The following ZNF705B variants were observed in gnomAD, a reference collection of about 807,000 sequenced individuals.
ZNF705B encodes zinc finger protein 705B, also known as Putative zinc finger protein 705D-like protein LOC100132396.
ZNF705B carries 1 observed loss-of-function variant against 10.5 expected under a neutral mutation model. The observed-to-expected ratio is 0.10, with a 90% confidence interval of 0.03 to 0.45. The LOEUF (loss-of-function observed/expected upper bound fraction) is 0.45. ZNF705B is among the 20% of genes least tolerant of loss of function. ZNF705B has a pLI of 0.97. For synonymous variants in ZNF705B, 4 were observed against 25.4 expected, an observed-to-expected ratio of 0.16 and a Z score of 2.53; for missense variants, 14 against 84.0, an observed-to-expected ratio of 0.17 and a Z score of 3.26.
Position 7,931,180 on chromosome 8 carries a change from C to T in ZNF705B, c.-72+744C>T, listed in dbSNP as rs376344971. 8.3e-5 allele frequency among the ~76,000 whole-genome samples: 10 copies of T among 121,002 alleles called. 1 individual carries two copies. In the East Asian group the frequency reaches 9.4e-4, roughly 11 times the overall value. 79.4% of individuals were successfully genotyped at this position (121,002 alleles called of 152,430 possible). ...GTGCCAGCAGTGACAGTGGTGAGCT[C>T]GGTAGATAGGCATGCCCTCAAGACC... On this transcript the variant is annotated intron_variant, in intron 2 of 6. Transcript: ENST00000400120.
intron 2 of ZNF705B, among the ~76,000 whole-genome samples, chr8:7,944,984 AGAG>A (rs1169538485): frequency 3.0e-5 from 1 of 33,406 alleles, no homozygotes; most frequent in Non-Finnish European, 1.1e-4. Flanking sequence ...AAAAAAAAAA[AGAG>A]AGAGAGAGAG....
intron 1 of ZNF705B, among the ~76,000 whole-genome samples, chr8:7,927,399 G>A (rs1195106573): frequency 3.3e-5 from 4 of 121,168 alleles, no homozygotes; most frequent in African/African-American, 1.0e-4. Flanking sequence ...AGGTTCATTT[G>A]CATTTCTCTA....
chr8:7,930,020 C>T (rs1365149889), intron 1 of ZNF705B, among the ~76,000 whole-genome samples: 1 of 101,882 alleles, frequency 9.8e-6, no homozygotes, highest in Non-Finnish European at 2.3e-5. Context: ...ACAGTAGGTA[C>T]ATGCGCAGAT....
chr8:7,933,048 G>A (rs1486791324), intron 2 of ZNF705B, among the ~76,000 whole-genome samples: 4 of 119,024 alleles, frequency 3.4e-5, no homozygotes, highest in African/African-American at 1.0e-4. Context: ...AAGGGGAATT[G>A]AGGTTTCCTG....
intron 2 of ZNF705B, among the ~76,000 whole-genome samples, chr8:7,937,194 A>T (rs1820039674): frequency 8.5e-6 from 1 of 118,176 alleles, no homozygotes; most frequent in African/African-American, 2.6e-5. Flanking sequence ...TGATAGGGAC[A>T]GCACTAAGGC....
In ZNF705B at chr8:7,932,485, T is replaced by C. The variant is rs151234370; in HGVS notation, c.-72+2049T>C. 3.6e-3 allele frequency among the ~76,000 whole-genome samples: 442 copies of C among 121,594 alleles called. 87 individuals are homozygous for C. The highest frequency in any genetic ancestry group is 0.021 in the Middle Eastern group (5 of 234). The allele number at this position is 121,594 out of a possible 152,430, so 79.8% of individuals were successfully genotyped here. A position where few individuals can be genotyped will look rare whatever the true frequency, so the allele number is the denominator to read the frequency against. On this transcript the variant is annotated intron_variant, in intron 2 of 6. Coordinates refer to ENST00000400120, the MANE Select transcript of ZNF705B (RefSeq NM_001193630.1). ...AATGAGAGGATAATATTCTATGTGATGGCTTTAATATATGTGTCCAAACTG... is the reference window on the plus strand; with the variant it reads ...AATGAGAGGATAATATTCTATGTGACGGCTTTAATATATGTGTCCAAACTG...
At chr8:7,928,827 T>C (rs1276465567) in intron 1 of ZNF705B, among the ~76,000 whole-genome samples, 1 of 104,592 alleles carries the variant, frequency 9.6e-6, no homozygotes, top group Non-Finnish European at 2.3e-5. Flanking sequence ...TTCTTCTCCT[T>C]TTTTAGCTTC....
At chr8:7,932,728 A>T (rs1179297108) in intron 2 of ZNF705B, among the ~76,000 whole-genome samples, 1 of 118,594 alleles carries the variant, frequency 8.4e-6, no homozygotes, top group Non-Finnish European at 2.0e-5. Flanking sequence ...ACATAACTTA[A>T]CATTGTTTCT....
chr8:7,929,291 C>T (rs1819778463), intron 1 of ZNF705B, among the ~76,000 whole-genome samples: 1 of 121,156 alleles, frequency 8.3e-6, no homozygotes, highest in Non-Finnish European at 2.0e-5. Flanking sequence ...AATAGCTGCC[C>T]TTACATGGTC....
At chr8:7,929,466 T>C (rs1334123917) in intron 1 of ZNF705B, among the ~76,000 whole-genome samples, 2 of 121,066 alleles carry the variant, frequency 1.7e-5, no homozygotes, top group Middle Eastern at 4.3e-3. Context: ...TTTATAATAA[T>C]TTATTCTGGG....
intron 2 of ZNF705B, among the ~76,000 whole-genome samples, chr8:7,936,905 A>T (rs1563081469): frequency 8.4e-6 from 1 of 119,528 alleles, no homozygotes; most frequent in Admixed American, 9.7e-5. Flanking sequence ...ATTACAAAAG[A>T]CTTTTTAAAA....
chr8:7,937,341 C>G (rs1820043653), intron 2 of ZNF705B, among the ~76,000 whole-genome samples: 1 of 109,584 alleles, frequency 9.1e-6, no homozygotes, highest in African/African-American at 2.7e-5. Flanking sequence ...TGCCACCTTT[C>G]ATTAGGGTGC....
chr8:7,928,273 G>A (rs1329392344), intron 1 of ZNF705B, among the ~76,000 whole-genome samples: 11 of 119,138 alleles, frequency 9.2e-5, no homozygotes, highest in African/African-American at 2.8e-4. Flanking sequence ...ACCACCTTGG[G>A]GGTTGGCATT....
In ZNF705B at chr8:7,930,347, C is replaced by T. The variant is rs1479948591; in HGVS notation, c.-161C>T. 3.2e-4 allele frequency: 25 copies of T among 77,218 alleles called. No individual in the cohort carries two copies. Among genetic ancestry groups the T allele is most frequent in the African/African-American group, 7.9e-4 (24 of 30,208 alleles). 4.8% of individuals were successfully genotyped at this position (77,218 alleles called of 1,614,324 possible). On this transcript the variant is annotated 5_prime_UTR_variant, in exon 2 of 7. Transcript: ENST00000400120. Reference sequence around the variant, plus strand: ...AAGAGCCACCTTCAGGCTGTAAGGTCATCGTATAATCCTGACCACTCATTT... The same window carrying T: ...AAGAGCCACCTTCAGGCTGTAAGGTTATCGTATAATCCTGACCACTCATTT...
Position 7,929,265 on chromosome 8 carries a change from C to G in ZNF705B, c.-221-1022C>G. On this transcript the variant is annotated intron_variant, in intron 1 of 6. Transcript: ENST00000400120. ...CATGAATTCAAAATGCAATTTTAATCAAAATGCAATTTTAAAATAGCTGCC... is the reference window on the plus strand; with the variant it reads ...CATGAATTCAAAATGCAATTTTAATGAAAATGCAATTTTAAAATAGCTGCC... Among the ~76,000 whole-genome samples the G allele has an allele frequency of 1.6e-5, 2 of 121,308 alleles. 1 individual carries two copies. The highest frequency in any genetic ancestry group is 4.0e-5 in the Non-Finnish European group (2 of 50,412). 79.6% of individuals were successfully genotyped at this position (121,308 alleles called of 152,430 possible). A position where few individuals can be genotyped will look rare whatever the true frequency, so the allele number is the denominator to read the frequency against.
At chr8:7,928,024 A>T (rs2128940809) in intron 1 of ZNF705B, among the ~76,000 whole-genome samples, 1 of 131,458 alleles carries the variant, frequency 7.6e-6, no homozygotes, top group African/African-American at 2.5e-5. Flanking sequence ...AGTAATATAA[A>T]CAGGGTGGCT....
At position 7,927,155 on chromosome 8, in the gene ZNF705B, C is replaced by T. The variant is rs1225645507; in HGVS notation, c.-222+758C>T. On this transcript the variant is annotated intron_variant, in intron 1 of 6. Coordinates refer to ENST00000400120, the MANE Select transcript of ZNF705B (RefSeq NM_001193630.1). ...ATGCTAACATTTAATAAGTGAAATT[C>T]AGTGTGTTCCTACAATTTTAGGCCT... Among the ~76,000 whole-genome samples, 67 of 116,760 alleles carry T rather than the reference C, an allele frequency of 5.7e-4. 1 individual carries two copies. Among genetic ancestry groups the T allele is most frequent in the African/African-American group, 1.7e-3 (65 of 39,264 alleles). The allele number at this position is 116,760 out of a possible 152,430, so 76.6% of individuals were successfully genotyped here.
In ZNF705B at chr8:7,937,732, G is replaced by A. The variant is rs1444912502; in HGVS notation, c.-72+7296G>A. ...TGTGTGCTACCGAGTTAATATGATT[G>A]GATATGGTATCACCTTTTTTCAGGC... On this transcript the variant is annotated intron_variant, in intron 2 of 6. Transcript: ENST00000400120. 1.4e-4 allele frequency among the ~76,000 whole-genome samples: 13 copies of A among 94,214 alleles called. No individual in the cohort carries two copies. In the South Asian group the frequency reaches 3.5e-3, roughly 25 times the overall value. 61.8% of individuals were successfully genotyped at this position (94,214 alleles called of 152,430 possible).
chr8:7,935,398 C>G (rs1208995495), intron 2 of ZNF705B, among the ~76,000 whole-genome samples: 1 of 147,156 alleles, frequency 6.8e-6, no homozygotes, highest in Non-Finnish European at 1.5e-5. Context: ...GCCACACACT[C>G]TGAGGTACTG....
Sources: gnomAD v4.1 joint callset for allele counts (sites outside exome capture counted in the v4.1 genomes callset) on GRCh38, gnomAD v4.1.1 for gene constraint, MANE v1.5 for transcripts, NCBI Gene and HGNC (gene_info 2026-07-23, HGNC 2026-07-21) for gene names.